The following GPD2 variants were observed in gnomAD, a reference collection of about 807,000 sequenced individuals.
GPD2 encodes the protein glycerol-3-phosphate dehydrogenase, mitochondrial.
GPD2 carries 54 observed loss-of-function variants against 82.4 expected under a neutral mutation model. The ratio of observed to expected loss-of-function variants is 0.66; its 90% CI spans 0.53 to 0.82. The LOEUF (loss-of-function observed/expected upper bound fraction) is 0.82. GPD2 is among the 40% of genes least tolerant of loss of function. The pLI, the probability that GPD2 is intolerant of heterozygous loss-of-function variation, is 0.00. For synonymous variants in GPD2, 288 were observed against 306.1 expected, an observed-to-expected ratio of 0.94 and a Z score of 0.62; for missense variants, 748 against 896.2, an observed-to-expected ratio of 0.83 and a Z score of 2.11.
intron 1 of GPD2, among the ~76,000 whole-genome samples, chr2:156,452,123 A>G (rs1341537431): frequency 3.3e-5 from 5 of 151,690 alleles, no homozygotes; most frequent in Admixed American, 3.3e-4. Flanking sequence ...GTGGCCAGGC[A>G]GAGACGCTCC....
chr2:156,464,428 A>G (rs1558911399), intron 1 of GPD2, among the ~76,000 whole-genome samples: 1 of 152,164 alleles, frequency 6.6e-6, no homozygotes, highest in Non-Finnish European at 1.5e-5. Flanking sequence ...TTAGATGTAC[A>G]GAGGAGTAAA....
chr2:156,404,054 G>A, the GPD2 span, among the ~76,000 whole-genome samples: 1 of 152,054 alleles, frequency 6.6e-6, no homozygotes, highest in South Asian at 2.1e-4. Flanking sequence ...GTTTATATGA[G>A]TCAGTAAATT....
chr2:156,447,338 C>T (rs1193375891), intron 1 of GPD2, among the ~76,000 whole-genome samples: 2 of 147,682 alleles, frequency 1.4e-5, no homozygotes, highest in African/African-American at 4.9e-5. Flanking sequence ...GAATCTCTCT[C>T]TTTTTTTTTT....
In GPD2 at chr2:156,505,200, A is replaced by G. The variant is rs75941712; in HGVS notation, c.275-5596A>G. On this transcript the variant is annotated intron_variant, in intron 3 of 16. Transcript: ENST00000438166. Reference sequence around the variant, plus strand: ...CTCAGGTCAGAAAAGACAAAGCTGTAAAGAGCTGTGTTAGTTCATAACTCT... The same window carrying G: ...CTCAGGTCAGAAAAGACAAAGCTGTGAAGAGCTGTGTTAGTTCATAACTCT... 1.8e-3 allele frequency among the ~76,000 whole-genome samples: 271 copies of G among 152,288 alleles called. 5 individuals carry two copies. In the East Asian group the frequency reaches 0.051, roughly 28 times the overall value.
At chr2:156,554,487 A>T (rs1306677915) in intron 8 of GPD2, among the ~76,000 whole-genome samples, 1 of 152,232 alleles carries the variant, frequency 6.6e-6, no homozygotes, top group Non-Finnish European at 1.5e-5. Context: ...GTATCTTTAC[A>T]GCATTTGTTA....
At chr2:156,436,290 G>C (rs1240967926), upstream of GPD2, 2 of 152,894 alleles carry the variant, frequency 1.3e-5, no homozygotes, top group Admixed American at 6.5e-5. Flanking sequence ...GGAGGGAGCA[G>C]GCGCGGGAGC....
intron 1 of GPD2, among the ~76,000 whole-genome samples, chr2:156,441,917 C>T (rs1682188042): frequency 6.6e-6 from 1 of 152,200 alleles, no homozygotes; most frequent in Non-Finnish European, 1.5e-5. Flanking sequence ...TATGTATTGA[C>T]AAAACTTAAA....
intron 1 of GPD2, among the ~76,000 whole-genome samples, chr2:156,461,491 G>A (rs1385635499): frequency 6.6e-6 from 1 of 152,160 alleles, no homozygotes; most frequent in African/African-American, 2.4e-5. Flanking sequence ...CAATCCTCCT[G>A]CCTCAGCCTC....
intron 1 of GPD2, among the ~76,000 whole-genome samples, chr2:156,443,832 A>C (rs1682262712): frequency 1.3e-5 from 2 of 152,186 alleles, no homozygotes; most frequent in Non-Finnish European, 2.9e-5. Context: ...CACCTAATCC[A>C]ATCTCTTAAG....
At chr2:156,497,787 T>C (rs1338294585) in intron 3 of GPD2, among the ~76,000 whole-genome samples, 3 of 152,200 alleles carry the variant, frequency 2.0e-5, no homozygotes, top group East Asian at 1.9e-4. Flanking sequence ...GCACAGGAAG[T>C]CTACTCTGTT....
At chr2:156,443,813 C>CT (rs1682262111) in intron 1 of GPD2, among the ~76,000 whole-genome samples, 1 of 152,206 alleles carries the variant, frequency 6.6e-6, no homozygotes, top group Non-Finnish European at 1.5e-5. Context: ...TCCCTTCCCC[C>CT]TACTTACCCA....
chr2:156,536,236 G>A (rs575070005), intron 6 of GPD2, among the ~76,000 whole-genome samples: 2 of 152,324 alleles, frequency 1.3e-5, no homozygotes, highest in East Asian at 3.9e-4. Context: ...GTGCTCCTCA[G>A]AAGTTTTGAG....
chr2:156,439,024 A>G (rs1044954312), intron 1 of GPD2, among the ~76,000 whole-genome samples: 3 of 152,248 alleles, frequency 2.0e-5, no homozygotes, highest in Non-Finnish European at 2.9e-5. Context: ...GAGACTTAAC[A>G]TGTCCTGAAG....
At chr2:156,452,217 G>A (rs538022055) in intron 1 of GPD2, among the ~76,000 whole-genome samples, 1 of 152,230 alleles carries the variant, frequency 6.6e-6, no homozygotes, top group South Asian at 2.1e-4. Flanking sequence ...GGGAGGTGGA[G>A]GTTGTAGCGA....
the GPD2 span, among the ~76,000 whole-genome samples, chr2:156,404,736 T>C: frequency 7.6e-6 from 1 of 130,770 alleles, no homozygotes; most frequent in African/African-American, 2.8e-5. Context: ...GCGGCTGTAA[T>C]CCCACTATTC....
chr2:156,556,409 TAAC>T (rs770070563), intron 8 of GPD2, among the ~76,000 whole-genome samples: 1 of 152,228 alleles, frequency 6.6e-6, no homozygotes, highest in Non-Finnish European at 1.5e-5. Flanking sequence ...CTCACTCTTT[TAAC>T]AACATCTCCA....
the GPD2 span, among the ~76,000 whole-genome samples, chr2:156,400,439 G>C: frequency 6.6e-6 from 1 of 152,206 alleles, no homozygotes. Flanking sequence ...CTGGGGAGGT[G>C]CCAGCTCCGG....
chr2:156,440,255 C>G (rs1558899259), intron 1 of GPD2, among the ~76,000 whole-genome samples: 1 of 152,176 alleles, frequency 6.6e-6, no homozygotes, highest in Non-Finnish European at 1.5e-5. Flanking sequence ...TATGATCAAA[C>G]TCAACTCCAA....
At chr2:156,558,906 G>A (rs576244226) in intron 9 of GPD2, among the ~76,000 whole-genome samples, 7 of 150,258 alleles carry the variant, frequency 4.7e-5, no homozygotes, top group South Asian at 4.2e-4. Context: ...GTGAGCCACC[G>A]TGCCTGGCCG....
Sources: allele counts gnomAD v4.1 joint callset (sites outside exome capture counted in the v4.1 genomes callset), GRCh38; gene constraint gnomAD v4.1.1; transcripts MANE v1.5; gene names NCBI Gene and HGNC (gene_info 2026-07-23, HGNC 2026-07-21).